The following TENM2 variants were observed in gnomAD, a reference collection of about 807,000 sequenced individuals.
The protein encoded by TENM2 is teneurin-2.
In TENM2, 52 loss-of-function variants were observed where a neutral mutation model predicts 245.2. The observed-to-expected ratio is 0.21, with a 90% CI of 0.17 to 0.27. The LOEUF (loss-of-function observed/expected upper bound fraction) is 0.27, where lower values mean the gene tolerates loss of function less well. Among genes scored for constraint, TENM2 ranks in the 10% least tolerant of loss-of-function variants. TENM2 has a pLI of 1.00. For synonymous variants in TENM2, 1,363 were observed against 1,438.9 expected, an observed-to-expected ratio of 0.95 and a Z score of 1.19; for missense variants, 3,046 against 3,666.8, an observed-to-expected ratio of 0.83 and a Z score of 4.37.
At chr5:168,088,132 G>A (rs978790918) in intron 7 of TENM2, 1 of 152,142 alleles carries the variant, frequency 6.6e-6, no homozygotes, top group African/African-American at 2.4e-5. Context: ...AATTAGTAAT[G>A]AGCAATGGCC....
chr5:168,193,281 G>A (rs949245046), intron 14 of TENM2, among the ~76,000 whole-genome samples: 2 of 152,112 alleles, frequency 1.3e-5, no homozygotes, highest in Non-Finnish European at 2.9e-5. Flanking sequence ...TACAAATAAC[G>A]AAGGACAAAG....
intron 2 of TENM2, among the ~76,000 whole-genome samples, chr5:167,838,338 T>C (rs1419413384): frequency 6.6e-6 from 1 of 152,184 alleles, no homozygotes; most frequent in Non-Finnish European, 1.5e-5. Context: ...TGGGAGGAAG[T>C]CCAAAGCTGA....
chr5:167,042,014 G>A, the TENM2 span, among the ~76,000 whole-genome samples: 1 of 152,162 alleles, frequency 6.6e-6, no homozygotes, highest in East Asian at 1.9e-4. Flanking sequence ...TCCTGTGGAA[G>A]TTATTCCCAC....
chr5:167,494,519 C>T (rs1768663824), intron 2 of TENM2, among the ~76,000 whole-genome samples: 1 of 152,052 alleles, frequency 6.6e-6, no homozygotes, highest in African/African-American at 2.4e-5. Context: ...CGTCCATTCA[C>T]TCATTCATTC....
chr5:167,926,058 CGTGTTTACCTAT>C (rs1183835952), intron 3 of TENM2, among the ~76,000 whole-genome samples: 16 of 152,068 alleles, frequency 1.1e-4, no homozygotes, highest in Admixed American at 4.6e-4. Context: ...TCCCAAGACA[CGTGTTTACCTAT>C]GTAAAAAACC....
At chr5:167,866,241 G>A (rs1240441600) in intron 2 of TENM2, among the ~76,000 whole-genome samples, 3 of 152,228 alleles carry the variant, frequency 2.0e-5, no homozygotes, top group Non-Finnish European at 2.9e-5. Flanking sequence ...GCTCACGCCT[G>A]TAATCCCAGG....
At chr5:167,329,030 GT>G (rs1447488198) in intron 1 of TENM2, among the ~76,000 whole-genome samples, 1 of 152,148 alleles carries the variant, frequency 6.6e-6, no homozygotes, top group Non-Finnish European at 1.5e-5. Context: ...GGAGAAAGGA[GT>G]TAGTACCTTC....
the TENM2 span, among the ~76,000 whole-genome samples, chr5:167,030,117 A>G: frequency 2.0e-5 from 3 of 152,242 alleles, no homozygotes; most frequent in East Asian, 1.9e-4. Flanking sequence ...CCTCTATTCA[A>G]TGGTCACTGC....
intron 2 of TENM2, among the ~76,000 whole-genome samples, chr5:167,535,068 G>A (rs922190775): frequency 2.0e-5 from 3 of 152,064 alleles, no homozygotes; most frequent in African/African-American, 2.4e-5. Context: ...ACTTGTGTGA[G>A]TCCAAGTTGG....
At position 167,784,934 on chromosome 5, in the gene TENM2, A is replaced by C. The variant is rs544561687; in HGVS notation, c.503-91052A>C. ...AATTTATTCAACTCCAAATGATTTCAATAAATCTGGGAATTCATCTATATC... is the reference window on the plus strand; with the variant it reads ...AATTTATTCAACTCCAAATGATTTCCATAAATCTGGGAATTCATCTATATC... On this transcript the variant is annotated intron_variant, in intron 2 of 28. Coordinates refer to ENST00000518659, the Ensembl canonical transcript of TENM2. Among the ~76,000 whole-genome samples the C allele has an allele frequency of 1.1e-4, 16 of 152,082 alleles. No individual in the cohort carries two copies. In the South Asian group the frequency reaches 1.5e-3, roughly 14 times the overall value.
chr5:167,145,189 T>C, the TENM2 span, among the ~76,000 whole-genome samples: 1 of 152,206 alleles, frequency 6.6e-6, no homozygotes, highest in Non-Finnish European at 1.5e-5. Flanking sequence ...TTTTACCATG[T>C]AAGGTAACGT....
chr5:167,158,937 T>C, the TENM2 span, among the ~76,000 whole-genome samples: 9 of 143,702 alleles, frequency 6.3e-5, no homozygotes, highest in African/African-American at 2.5e-4. Flanking sequence ...TCTCTCTCCT[T>C]CTTTCTTTCT....
At chr5:167,564,838 T>G (rs552053989) in intron 2 of TENM2, among the ~76,000 whole-genome samples, 1 of 152,390 alleles carries the variant, frequency 6.6e-6, no homozygotes, top group East Asian at 1.9e-4. Context: ...GCTCAAGAAC[T>G]TCTTGTGCCT....
intron 13 of TENM2, among the ~76,000 whole-genome samples, chr5:168,187,985 C>T (rs972992295): frequency 3.3e-5 from 5 of 152,214 alleles, no homozygotes; most frequent in East Asian, 3.9e-4. Flanking sequence ...AAATGTGTTA[C>T]GAGGCACATG....
chr5:167,907,318 T>G (rs1776168990), intron 3 of TENM2, among the ~76,000 whole-genome samples: 1 of 151,410 alleles, frequency 6.6e-6, no homozygotes. Context: ...AAATACTATA[T>G]TCCATACATT....
At chr5:167,942,756 G>A (rs948158472) in intron 3 of TENM2, among the ~76,000 whole-genome samples, 1 of 152,180 alleles carries the variant, frequency 6.6e-6, no homozygotes, top group African/African-American at 2.4e-5. Context: ...TGAGCACTGT[G>A]AGAGGTCTGA....
the TENM2 span, among the ~76,000 whole-genome samples, chr5:167,144,960 C>T: frequency 2.0e-5 from 3 of 152,124 alleles, no homozygotes; most frequent in East Asian, 5.8e-4. Flanking sequence ...GAATCCTTTC[C>T]TTGTCCTTTA....
chr5:168,127,242 C>T (rs936420970), intron 12 of TENM2, among the ~76,000 whole-genome samples: 3 of 152,236 alleles, frequency 2.0e-5, no homozygotes, highest in Non-Finnish European at 4.4e-5. Flanking sequence ...GCATGGGAAA[C>T]TGTCGGTGTC....
At chr5:167,609,853 A>G (rs1187047285) in intron 2 of TENM2, among the ~76,000 whole-genome samples, 1 of 152,118 alleles carries the variant, frequency 6.6e-6, no homozygotes, top group Middle Eastern at 3.2e-3. Context: ...CCAGCAACCA[A>G]TCAATTCTCC....
Sources: allele counts gnomAD v4.1 joint callset (sites outside exome capture counted in the v4.1 genomes callset), GRCh38; gene constraint gnomAD v4.1.1; transcripts MANE v1.5; gene names NCBI Gene and HGNC (gene_info 2026-07-23, HGNC 2026-07-21).